The following LINC00305 variants were observed in gnomAD, a reference collection of about 807,000 sequenced individuals.
LINC00305 encodes the protein long independently transcribed non-coding RNA 305.
At chr18:64,089,124 C>T (rs1160813284) in intron 3 of LINC00305, among the ~76,000 whole-genome samples, 3 of 152,108 alleles carry the variant, frequency 2.0e-5, no homozygotes, top group Non-Finnish European at 2.9e-5. Flanking sequence ...CATCTTGAAT[C>T]GTAATCTGAA....
chr18:64,094,990 A>G (rs1429124549), intron 3 of LINC00305, among the ~76,000 whole-genome samples: 1 of 152,170 alleles, frequency 6.6e-6, no homozygotes, highest in Non-Finnish European at 1.5e-5. Flanking sequence ...TGGATACAGA[A>G]AACTGACCTC....
rs116807783 is a variant in LINC00305, at chr18:64,098,576, C to T, written n.378+1G>A. The T allele has an allele frequency of 1.4e-3, 632 of 447,694 alleles. 1 individual carries two copies. Among genetic ancestry groups the T allele is most frequent in the African/African-American group, 0.012 (598 of 49,510 alleles). The allele number at this position is 447,694 out of a possible 1,614,324, so 27.7% of individuals were successfully genotyped here. On this transcript the variant is annotated splice_donor_variant and non_coding_transcript_variant, in intron 2 of 3. Coordinates refer to ENST00000666468, the Ensembl canonical transcript of LINC00305. The stretch of plus-strand genomic sequence containing the variant: ...AGAAAGAATTTGAAATGGTTACTCA[C>T]CATGTATAATGCACAGTCTATGAAG...
intron 1 of LINC00305, among the ~76,000 whole-genome samples, chr18:64,134,931 A>G (rs1339026669): frequency 6.6e-6 from 1 of 152,198 alleles, no homozygotes; most frequent in Non-Finnish European, 1.5e-5. Flanking sequence ...GTTAACAGAT[A>G]ATGTCTGCAT....
intron 1 of LINC00305, among the ~76,000 whole-genome samples, chr18:64,100,917 T>A (rs1193943496): frequency 6.6e-6 from 1 of 152,160 alleles, no homozygotes; most frequent in Non-Finnish European, 1.5e-5. Context: ...TATCCTCATT[T>A]ATTTTATGGA....
At chr18:64,146,172 G>C (rs2051497076) in intron 1 of LINC00305, among the ~76,000 whole-genome samples, 1 of 152,138 alleles carries the variant, frequency 6.6e-6, no homozygotes, top group Non-Finnish European at 1.5e-5. Context: ...GTCGAAATAA[G>C]TTATGGTTGG....
chr18:64,139,168 C>G (rs780766136), intron 1 of LINC00305, among the ~76,000 whole-genome samples: 2 of 152,190 alleles, frequency 1.3e-5, no homozygotes, highest in Non-Finnish European at 2.9e-5. Flanking sequence ...TAGCAAACAG[C>G]TCAATTCTTA....
At chr18:64,091,792 AG>A (rs1274001452) in intron 3 of LINC00305, among the ~76,000 whole-genome samples, 3 of 152,234 alleles carry the variant, frequency 2.0e-5, no homozygotes, top group African/African-American at 7.2e-5. Context: ...GTGATTAATT[AG>A]TCACTCATAA....
intron 1 of LINC00305, among the ~76,000 whole-genome samples, chr18:64,133,594 C>T (rs1051490963): frequency 3.9e-5 from 6 of 152,172 alleles, no homozygotes; most frequent in Admixed American, 3.9e-4. Flanking sequence ...TGACCTCCAA[C>T]CACAGACATG....
chr18:64,146,345 CTG>C (rs2051498152), intron 1 of LINC00305, among the ~76,000 whole-genome samples: 2 of 152,296 alleles, frequency 1.3e-5, no homozygotes, highest in Non-Finnish European at 2.9e-5. Context: ...ATTTTTAAAA[CTG>C]TAACCGTATT....
chr18:64,117,038 A>G (rs1275945157), intron 1 of LINC00305, among the ~76,000 whole-genome samples: 1 of 152,188 alleles, frequency 6.6e-6, no homozygotes, highest in Non-Finnish European at 1.5e-5. Flanking sequence ...TTTATTCCCC[A>G]TAGTGATTCG....
chr18:64,145,839 A>G (rs755715006), intron 1 of LINC00305, among the ~76,000 whole-genome samples: 1 of 152,234 alleles, frequency 6.6e-6, no homozygotes, highest in Non-Finnish European at 1.5e-5. Context: ...TCATATGCCT[A>G]TATAATGATA....
chr18:64,115,623 C>G (rs1274021787), intron 1 of LINC00305, among the ~76,000 whole-genome samples: 1 of 152,166 alleles, frequency 6.6e-6, no homozygotes, highest in Non-Finnish European at 1.5e-5. Context: ...TTTAAAACTT[C>G]TTTATGATGA....
chr18:64,113,678 C>T (rs2051325114), intron 1 of LINC00305, among the ~76,000 whole-genome samples: 1 of 152,194 alleles, frequency 6.6e-6, no homozygotes, highest in South Asian at 2.1e-4. Flanking sequence ...CTTGTTTCAC[C>T]TGCAGGGAAA....
intron 1 of LINC00305, among the ~76,000 whole-genome samples, chr18:64,099,335 G>A (rs1001816841): frequency 4.6e-5 from 7 of 152,100 alleles, no homozygotes; most frequent in Admixed American, 3.3e-4. Flanking sequence ...TTGTGAGGTG[G>A]TGATGGGTGA....
intron 1 of LINC00305, among the ~76,000 whole-genome samples, chr18:64,113,032 T>C (rs1465865187): frequency 1.3e-5 from 2 of 152,198 alleles, no homozygotes; most frequent in Non-Finnish European, 2.9e-5. Context: ...TTAAACAACT[T>C]TTCTAAGGTT....
At chr18:64,100,492 T>C (rs2051264014) in intron 1 of LINC00305, among the ~76,000 whole-genome samples, 1 of 152,128 alleles carries the variant, frequency 6.6e-6, no homozygotes, top group South Asian at 2.1e-4. Context: ...GATTGTGAAA[T>C]CAGTCCATCT....
chr18:64,094,728 T>C (rs1431804773), intron 3 of LINC00305, among the ~76,000 whole-genome samples: 1 of 152,074 alleles, frequency 6.6e-6, no homozygotes, highest in Non-Finnish European at 1.5e-5. Context: ...CCAGGTGTGT[T>C]GGCAGGTGCC....
At chr18:64,148,450 T>G (rs2051508872) in intron 1 of LINC00305, among the ~76,000 whole-genome samples, 1 of 151,846 alleles carries the variant, frequency 6.6e-6, no homozygotes, top group African/African-American at 2.4e-5. Flanking sequence ...TACATACCCT[T>G]AAGCAAGCCA....
chr18:64,091,257 GCTTTCCTTTT>G (rs1568104388), intron 3 of LINC00305, among the ~76,000 whole-genome samples: 1 of 152,164 alleles, frequency 6.6e-6, no homozygotes, highest in African/African-American at 2.4e-5. Context: ...CATAATATAT[GCTTTCCTTTT>G]CTTTCCTTTG....
Sources: allele counts gnomAD v4.1 joint callset (sites outside exome capture counted in the v4.1 genomes callset), GRCh38; gene constraint gnomAD v4.1.1; transcripts MANE v1.5; gene names NCBI Gene and HGNC (gene_info 2026-07-23, HGNC 2026-07-21).